Variants in INHBA observed in about 807,000 individuals in gnomAD.
INHBA encodes inhibin subunit beta A.
Under a neutral mutation model 29.0 loss-of-function variants are expected in INHBA, and 1 was observed. The ratio of observed to expected loss-of-function variants is 0.03; its 90% confidence interval spans 0.01 to 0.16. The LOEUF is 0.16. Ranked by LOEUF, INHBA falls within the 10% of genes least tolerant of loss-of-function variation. The pLI, the probability that INHBA is intolerant of heterozygous loss-of-function variation, is 1.00. For synonymous variants in INHBA, 242 were observed against 216.8 expected (o/e 1.12, Z -1.02); for missense variants, 376 against 545.4 (o/e 0.69, Z 3.09).
At position 41,685,197 on chromosome 7, in the gene INHBA, A is replaced by G. The variant is rs1283308522; in HGVS notation, c.*4453T>C. The stretch of plus-strand genomic sequence containing the variant: ...TGAATACTGTCCACTAACTGTACAA[A>G]ATATTGACTGCATGCCTCGCAAACA... On this transcript the variant is annotated 3_prime_UTR_variant, in exon 3 of 3. Coordinates refer to ENST00000242208, the MANE Select transcript of INHBA (RefSeq NM_002192.4). The G allele has an allele frequency of 6.6e-6, 1 of 152,158 alleles. No individual in the cohort carries two copies. Among genetic ancestry groups the G allele is most frequent in the East Asian group, 1.9e-4 (1 of 5,204 alleles). The allele number at this position is 152,158 out of a possible 1,614,324, so 9.4% of individuals were successfully genotyped here. A position where few individuals can be genotyped will look rare whatever the true frequency, so the allele number is the denominator to read the frequency against.
intron 2 of INHBA, among the ~76,000 whole-genome samples, chr7:41,692,886 T>G (rs1794553718): frequency 6.6e-6 from 1 of 152,166 alleles, no homozygotes; most frequent in Non-Finnish European, 1.5e-5. Context: ...GCTTAATCAT[T>G]TAAATCTAAA....
chr7:41,705,121 C>A (rs1458659679), upstream of INHBA, among the ~76,000 whole-genome samples: 1 of 152,156 alleles, frequency 6.6e-6, no homozygotes, highest in African/African-American at 2.4e-5. Flanking sequence ...ATCAGCTTTT[C>A]CCTGCGGAAC....
At chr7:41,700,817 G>A (rs1794767804) in intron 1 of INHBA, among the ~76,000 whole-genome samples, 1 of 127,952 alleles carries the variant, frequency 7.8e-6, no homozygotes, top group Admixed American at 7.8e-5. Flanking sequence ...AGGGAAGGGA[G>A]GGGGAGAGGG....
At chr7:41,697,171 C>A (rs531216053) in intron 2 of INHBA, among the ~76,000 whole-genome samples, 1 of 152,308 alleles carries the variant, frequency 6.6e-6, no homozygotes, top group South Asian at 2.1e-4. Flanking sequence ...TCCCTTCTAT[C>A]TTTCCTTGTG....
chr7:41,700,841 AAG>A (rs3030163), intron 1 of INHBA, among the ~76,000 whole-genome samples: 1,689 of 79,048 alleles, frequency 0.021, 30 homozygotes, highest in South Asian at 0.032. Flanking sequence ...GAGGGAAAGG[AAG>A]AGAGAGAGAG....
intron 2 of INHBA, among the ~76,000 whole-genome samples, chr7:41,694,798 A>G (rs999420409): frequency 4.6e-5 from 7 of 152,060 alleles, no homozygotes; most frequent in Admixed American, 3.3e-4. Flanking sequence ...GACACATACC[A>G]AAGAGAGAGA....
chr7:41,698,044 G>C (rs1301506242), intron 2 of INHBA, among the ~76,000 whole-genome samples: 1 of 152,064 alleles, frequency 6.6e-6, no homozygotes. Context: ...AACGTCCAAC[G>C]AATCGCTTTT....
chr7:41,704,938 T>C (rs1485702998), upstream of INHBA, among the ~76,000 whole-genome samples: 2 of 152,066 alleles, frequency 1.3e-5, no homozygotes, highest in Non-Finnish European at 2.9e-5. Flanking sequence ...CCGCTGGCCA[T>C]CTGATGCCAC....
intron 2 of INHBA, among the ~76,000 whole-genome samples, chr7:41,693,670 C>T (rs1794571633): frequency 6.6e-6 from 1 of 152,154 alleles, no homozygotes; most frequent in Non-Finnish European, 1.5e-5. Context: ...CTCAATCTGT[C>T]AGGTGCTGTT....
chr7:41,698,837 A>G (rs1794707568), intron 2 of INHBA, among the ~76,000 whole-genome samples: 1 of 152,214 alleles, frequency 6.6e-6, no homozygotes, highest in African/African-American at 2.4e-5. Flanking sequence ...AATTGTTTAT[A>G]CTGCTGCGGC....
rs1203157961 is a variant in INHBA at position 41,700,279 on chromosome 7, G to C, written c.96C>G (p.Ala32=). 1 of 1,599,000 alleles carries C rather than the reference G, an allele frequency of 6.3e-7. No individual in the cohort carries two copies. The highest frequency in any genetic ancestry group is 1.3e-5 in the African/African-American group (1 of 74,590). The change falls in exon 2 of 3, where the codon GCC becomes GCG. Residue 32 remains alanine, a synonymous_variant. Transcript: ENST00000242208. ...CCAGCGCACAGGACGGACAGTCGGG[G>C]GCCGCGCTGTGCCCCTCGGATCCTG... is the stretch of plus-strand genomic sequence containing the variant. ...PTPGSEGHSA[A]PDCPSCALAA...
chr7:41,690,807 AAAGTT>A (rs1293146758), intron 2 of INHBA, among the ~76,000 whole-genome samples: 1 of 152,240 alleles, frequency 6.6e-6, no homozygotes, highest in Non-Finnish European at 1.5e-5. Context: ...GCCTGTAAAT[AAAGTT>A]TTGTTGGAGC....
intron 2 of INHBA, among the ~76,000 whole-genome samples, chr7:41,699,183 G>A (rs1014367801): frequency 3.9e-5 from 6 of 152,216 alleles, no homozygotes; most frequent in African/African-American, 1.4e-4. Flanking sequence ...TTCCTCTTAA[G>A]GATTGAGTGA....
chr7:41,690,624 G>T, intron 2 of INHBA, 82 bp from the exon 3 acceptor site: 1 of 1,443,752 alleles, frequency 6.9e-7, no homozygotes, highest in Admixed American at 2.7e-5. Flanking sequence ...TTTCAGGCAA[G>T]CAGGAGTCTT....
Position 41,690,081 on chromosome 7 carries a change from C to T in INHBA, c.850G>A (p.Glu284Lys), listed in dbSNP as rs1488698571. 2 of 1,613,826 alleles carry T rather than the reference C, an allele frequency of 1.2e-6. No individual in the cohort carries two copies. The highest frequency in any genetic ancestry group is 1.7e-6 in the Non-Finnish European group (2 of 1,180,024). The stretch of plus-strand genomic sequence containing the variant: ...AAAGGTCTGTGCGACTGCTCCTTTT[C>T]CTCATCTGCTCCTGCCCCACCTTCA... ...GGEGGAGADE[E>K]KEQSHRPFLM... The change falls in exon 3 of 3, where the codon GAA becomes AAA. Residue 284 changes from glutamate (E) to lysine (K), a missense_variant. Coordinates refer to ENST00000242208, the MANE Select transcript of INHBA (RefSeq NM_002192.4).
intron 2 of INHBA, chr7:41,693,924 C>T (rs1321336657): frequency 6.6e-6 from 1 of 152,202 alleles, no homozygotes; most frequent in Non-Finnish European, 1.5e-5. Context: ...TCGCCTCCTT[C>T]TCCTGGTGTC....
At position 41,700,424 on chromosome 7, in the gene INHBA, C is replaced by T; in HGVS notation, c.-50G>A. ...TGCCTTTTTAAAAGGCCCTGCTTTT[C>T]CTCCCCCCTCACGCGCAGGTTTTTT... On this transcript the variant is annotated 5_prime_UTR_variant, in exon 2 of 3. Coordinates refer to ENST00000242208, the MANE Select transcript of INHBA (RefSeq NM_002192.4). 7.3e-7 allele frequency: 1 copy of T among 1,365,180 alleles called. No individual in the cohort carries two copies. Among genetic ancestry groups the T allele is most frequent in the Non-Finnish European group, 9.5e-7 (1 of 1,054,436 alleles). 84.6% of individuals were successfully genotyped at this position (1,365,180 alleles called of 1,614,324 possible).
chr7:41,694,700 G>A (rs144048233), intron 2 of INHBA, among the ~76,000 whole-genome samples: 1 of 152,296 alleles, frequency 6.6e-6, no homozygotes, highest in Non-Finnish European at 1.5e-5. Context: ...ATCACAGCCT[G>A]CTCTGCCTGA....
At position 41,686,727 on chromosome 7, in the gene INHBA, T is replaced by C. The variant is rs984377782; in HGVS notation, c.*2923A>G. 1 of 152,188 alleles carries C rather than the reference T, an allele frequency of 6.6e-6. No homozygotes were observed. The highest frequency in any genetic ancestry group is 2.4e-5 in the African/African-American group (1 of 41,446). 9.4% of individuals were successfully genotyped at this position (152,188 alleles called of 1,614,324 possible). ...CTCTGCTTCTGATAACTGTGGTCACTAATCAACCCCCATGTTATCCCCGAT... is the reference window on the plus strand; with the variant it reads ...CTCTGCTTCTGATAACTGTGGTCACCAATCAACCCCCATGTTATCCCCGAT... On this transcript the variant is annotated 3_prime_UTR_variant, in exon 3 of 3. Coordinates refer to ENST00000242208, the MANE Select transcript of INHBA (RefSeq NM_002192.4).
Sources: gnomAD v4.1 joint callset for allele counts (sites outside exome capture counted in the v4.1 genomes callset) on GRCh38, gnomAD v4.1.1 for gene constraint, MANE v1.5 for transcripts, NCBI Gene and HGNC (gene_info 2026-07-23, HGNC 2026-07-21) for gene names.